Variants in PCDH7 observed in about 807,000 individuals in gnomAD.
The protein encoded by PCDH7 is protocadherin 7.
Under a neutral mutation model 58.9 loss-of-function variants are expected in PCDH7, and 17 were observed. The observed-to-expected ratio is 0.29, with a 90% CI of 0.20 to 0.43. PCDH7 has a LOEUF of 0.43. Ranked by LOEUF, PCDH7 falls within the 20% of genes least tolerant of loss-of-function variation. The probability of loss-of-function intolerance (pLI) is 1.00; values close to 1 mark genes in which losing one functional copy is unlikely to be tolerated. For synonymous variants in PCDH7, 664 were observed against 616.4 expected (o/e 1.08, Z -1.14); for missense variants, 1,274 against 1,441.0 (o/e 0.88, Z 1.88).
At chr4:30,966,782 T>C (rs915758903) in intron 3 of PCDH7, among the ~76,000 whole-genome samples, 3 of 152,068 alleles carry the variant, frequency 2.0e-5, no homozygotes, top group South Asian at 4.1e-4. Flanking sequence ...TGCATCAAAT[T>C]AGTGTTAAAG....
At chr4:31,087,095 C>T (rs565681300) in intron 3 of PCDH7, among the ~76,000 whole-genome samples, 9 of 152,238 alleles carry the variant, frequency 5.9e-5, no homozygotes, top group African/African-American at 1.7e-4. Flanking sequence ...AGCAAGTTCT[C>T]TTACTGCTAG....
chr4:30,836,493 A>G (rs1730498932), intron 1 of PCDH7, among the ~76,000 whole-genome samples: 1 of 152,200 alleles, frequency 6.6e-6, no homozygotes, highest in Non-Finnish European at 1.5e-5. Flanking sequence ...AGGTATTATC[A>G]TTTTATGGAA....
chr4:31,005,045 G>T (rs1473094933), intron 3 of PCDH7, among the ~76,000 whole-genome samples: 2 of 152,188 alleles, frequency 1.3e-5, no homozygotes. Context: ...AATTGAGCAA[G>T]TGAAATTTCC....
intron 1 of PCDH7, among the ~76,000 whole-genome samples, chr4:30,865,913 C>A (rs1734824475): frequency 6.6e-6 from 1 of 152,036 alleles, no homozygotes; most frequent in Admixed American, 6.6e-5. Flanking sequence ...GAGAGAATAG[C>A]AGATGCATTC....
chr4:31,053,840 A>G (rs1756942050), intron 3 of PCDH7, among the ~76,000 whole-genome samples: 1 of 152,014 alleles, frequency 6.6e-6, no homozygotes, highest in Non-Finnish European at 1.5e-5. Flanking sequence ...AACAAAGTAT[A>G]TAAAATAATA....
intron 1 of PCDH7, among the ~76,000 whole-genome samples, chr4:30,751,688 G>C (rs1402364814): frequency 6.6e-6 from 1 of 152,106 alleles, no homozygotes; most frequent in East Asian, 1.9e-4. Context: ...GCTAGGTACT[G>C]TGCTTTGTAG....
chr4:30,949,744 A>G (rs1450470394), intron 2 of PCDH7, among the ~76,000 whole-genome samples: 3 of 152,090 alleles, frequency 2.0e-5, no homozygotes, highest in Admixed American at 1.3e-4. Context: ...ATCCTACTGT[A>G]TGTTAGAAAG....
chr4:31,065,646 G>C (rs1013153879), intron 3 of PCDH7, among the ~76,000 whole-genome samples: 1 of 151,946 alleles, frequency 6.6e-6, no homozygotes, highest in Non-Finnish European at 1.5e-5. Context: ...CAATCAGCAC[G>C]TACCGAGTAG....
rs565228365 is a variant in PCDH7 at position 30,827,155 on chromosome 4, G to T, written c.71-92998G>T. 2.0e-5 allele frequency among the ~76,000 whole-genome samples: 3 copies of T among 152,178 alleles called. No individual in the cohort carries two copies. In the South Asian group the frequency reaches 6.2e-4, roughly 32 times the overall value. On this transcript the variant is annotated intron_variant, in intron 1 of 3. Coordinates refer to the PCDH7 transcript ENST00000509759. ...ATGTTTGTGGGTTTTTAACTTATATGTCATTTCCTTGTAAAAAGCCTGCAA... is the reference window on the plus strand; with the variant it reads ...ATGTTTGTGGGTTTTTAACTTATATTTCATTTCCTTGTAAAAAGCCTGCAA...
At chr4:31,036,589 G>C (rs947091039) in intron 3 of PCDH7, among the ~76,000 whole-genome samples, 40 of 152,144 alleles carry the variant, frequency 2.6e-4, no homozygotes, top group Non-Finnish European at 5.0e-4. Flanking sequence ...AAATTACAAA[G>C]AGAAAATTGA....
At chr4:30,781,886 A>G (rs1305490251) in intron 1 of PCDH7, among the ~76,000 whole-genome samples, 3 of 152,150 alleles carry the variant, frequency 2.0e-5, no homozygotes, top group Non-Finnish European at 2.9e-5. Context: ...GCTGACTAAA[A>G]TACTTATTTT....
chr4:31,084,335 A>T (rs141189702), intron 3 of PCDH7, among the ~76,000 whole-genome samples: 143 of 152,240 alleles, frequency 9.4e-4, no homozygotes, highest in Middle Eastern at 6.8e-3. Flanking sequence ...CAGGAATTTA[A>T]TTTTTCTGCA....
At chr4:30,765,438 G>GTTGT (rs1355395083) in intron 1 of PCDH7, among the ~76,000 whole-genome samples, 2 of 152,136 alleles carry the variant, frequency 1.3e-5, no homozygotes, top group South Asian at 4.1e-4. Context: ...ATTTTGGTGT[G>GTTGT]TTGTTTGTTT....
intron 3 of PCDH7, among the ~76,000 whole-genome samples, chr4:31,048,946 A>G (rs985849547): frequency 2.6e-5 from 4 of 152,176 alleles, no homozygotes; most frequent in Non-Finnish European, 5.9e-5. Context: ...GATGATATGT[A>G]TAATTCAACT....
In PCDH7 at chr4:30,720,488, C is replaced by G. The variant is rs1713315108; in HGVS notation, c.-935C>G. On this transcript the variant is annotated 5_prime_UTR_variant, in exon 1 of 2. Coordinates refer to ENST00000361762, the Ensembl canonical transcript of PCDH7. The surrounding 1 kb of genome is among the most constrained non-coding windows in gnomAD (Gnocchi z 4.7). ...TGGGCACCGCACGGTGCGCACTGCT[C>G]AGCCTTCGCCCCCGTGGGCGAAAGG... The G allele has an allele frequency of 6.5e-6, 1 of 152,740 alleles. No homozygotes were observed. The highest frequency in any genetic ancestry group is 2.4e-5 in the African/African-American group (1 of 41,476). 9.5% of individuals were successfully genotyped at this position (152,740 alleles called of 1,614,324 possible). A position where few individuals can be genotyped will look rare whatever the true frequency, so the allele number is the denominator to read the frequency against.
chr4:30,936,851 A>G (rs1423694517), intron 2 of PCDH7, among the ~76,000 whole-genome samples: 1 of 152,092 alleles, frequency 6.6e-6, no homozygotes, highest in Non-Finnish European at 1.5e-5. Context: ...AGCCAATTAA[A>G]GAAATATACC....
intron 3 of PCDH7, among the ~76,000 whole-genome samples, chr4:31,048,824 A>G (rs993237625): frequency 6.6e-6 from 1 of 152,120 alleles, no homozygotes; most frequent in Non-Finnish European, 1.5e-5. Context: ...CTCTTCTTCC[A>G]AACAATCTGG....
intron 1 of PCDH7, among the ~76,000 whole-genome samples, chr4:30,829,998 C>T (rs1729574410): frequency 6.6e-6 from 1 of 152,120 alleles, no homozygotes; most frequent in Non-Finnish European, 1.5e-5. Flanking sequence ...GCTCTGGTTT[C>T]ATGCACGTTA....
intron 1 of PCDH7, among the ~76,000 whole-genome samples, chr4:30,797,288 T>C (rs771748981): frequency 6.6e-6 from 1 of 151,668 alleles, no homozygotes; most frequent in Non-Finnish European, 1.5e-5. Context: ...GTTTGGTTTT[T>C]TTGAGACGGA....
Sources: allele counts gnomAD v4.1 joint callset (sites outside exome capture counted in the v4.1 genomes callset), GRCh38; gene constraint gnomAD v4.1.1; non-coding constraint Gnocchi (gnomAD v3.1); transcripts MANE v1.5; gene names NCBI Gene and HGNC (gene_info 2026-07-23, HGNC 2026-07-21).